The following NCOR1 variants were observed in gnomAD, a reference collection of about 807,000 sequenced individuals.
NCOR1 encodes protein phosphatase 1, regulatory subunit 109.
NCOR1 carries 63 observed loss-of-function variants against 288.1 expected under a neutral mutation model. The ratio of observed to expected loss-of-function variants is 0.22; its 90% CI spans 0.18 to 0.27. NCOR1 has a LOEUF of 0.27. NCOR1 is among the 10% of genes least tolerant of loss of function. The pLI, the probability that NCOR1 is intolerant of heterozygous loss-of-function variation, is 1.00. For missense variants in NCOR1, 2,397 were observed against 3,019.2 expected, an observed-to-expected ratio of 0.79 and a Z score of 4.83; for synonymous variants, 1,007 against 1,065.9, an observed-to-expected ratio of 0.94 and a Z score of 1.08.
chr17:16,073,704 T>A, intron 27 of NCOR1, 135 bp from the exon 28 acceptor site: 1 of 682,706 alleles, frequency 1.5e-6, no homozygotes, highest in Non-Finnish European at 2.1e-6. Flanking sequence ...AAAATATGTG[T>A]AGATGATTCA....
chr17:16,086,055 G>T (rs2064177445), intron 23 of NCOR1, among the ~76,000 whole-genome samples: 1 of 152,166 alleles, frequency 6.6e-6, no homozygotes, highest in Admixed American at 6.5e-5. Context: ...GTAATTAAAT[G>T]GGTGGTATGT....
chr17:16,055,236 G>A (rs941193206), intron 40 of NCOR1, among the ~76,000 whole-genome samples: 3 of 152,204 alleles, frequency 2.0e-5, no homozygotes, highest in African/African-American at 7.2e-5. Context: ...TATGTTCACT[G>A]TAGCACTATT....
chr17:16,108,240 G>A (rs374825028), intron 19 of NCOR1: 2 of 324,138 alleles, frequency 6.2e-6, no homozygotes, highest in Non-Finnish European at 1.2e-5. Flanking sequence ...AATAAATTAG[G>A]TATCTTTTTT....
chr17:16,119,549 A>G, intron 16 of NCOR1, 64 bp from the exon 17 acceptor site: 1 of 1,094,852 alleles, frequency 9.1e-7, no homozygotes, highest in South Asian at 1.5e-5. Context: ...ATTCAAACCA[A>G]TCATATAATT....
chr17:16,131,288 A>T (rs1406261877), intron 14 of NCOR1, among the ~76,000 whole-genome samples: 1 of 152,160 alleles, frequency 6.6e-6, no homozygotes, highest in Non-Finnish European at 1.5e-5. Context: ...AGCCTCCCAA[A>T]GTGCTGGGAT....
At chr17:16,085,409 C>T (rs1245332930) in intron 23 of NCOR1, among the ~76,000 whole-genome samples, 1 of 152,154 alleles carries the variant, frequency 6.6e-6, no homozygotes, top group Non-Finnish European at 1.5e-5. Flanking sequence ...AAACATATGT[C>T]CACAAAGAAC....
At position 16,061,715 on chromosome 17, in the gene NCOR1, C is replaced by T. The variant is rs750906837; in HGVS notation, c.5567G>A (p.Arg1856Lys). The T allele has an allele frequency of 6.2e-7, 1 of 1,614,222 alleles. No homozygotes were observed. ...AARLEENLRS[R>K]SAAVSEQQQL... ...CTGCTGTTCACTAACTGCTGCTGACCTGCTTCTCAAATTTTCTTCTAACCT... is the reference window on the plus strand; with the variant it reads ...CTGCTGTTCACTAACTGCTGCTGACTTGCTTCTCAAATTTTCTTCTAACCT... Residue 1856 changes from arginine (R) to lysine (K), a missense_variant, in exon 37 of 46, where the codon AGG (arginine) becomes AAG (lysine). Arg to Lys is a conservative substitution (Grantham distance 26). Coordinates refer to ENST00000268712, the MANE Select transcript of NCOR1 (RefSeq NM_006311.4).
In NCOR1 at chr17:16,086,274, C is replaced by T. The variant is rs191410170; in HGVS notation, c.3177+8G>A. On this transcript the variant is annotated splice_region_variant and intron_variant, in intron 23 of 45. Coordinates refer to ENST00000268712, the MANE Select transcript of NCOR1 (RefSeq NM_006311.4). ...CAAGAAATCTACTGTAAAGAGAAGT[C>T]GTTTCACCTGTGAGATGGAGCCTCC... is the stretch of plus-strand genomic sequence containing the variant. 49 of 1,612,546 alleles carry T rather than the reference C, an allele frequency of 3.0e-5. No homozygotes were observed. Among genetic ancestry groups the T allele is most frequent in the East Asian group, 2.9e-4 (13 of 44,874 alleles).
At chr17:16,054,883 G>A (rs1279590220) in intron 40 of NCOR1, among the ~76,000 whole-genome samples, 1 of 152,172 alleles carries the variant, frequency 6.6e-6, no homozygotes, top group East Asian at 1.9e-4. Context: ...AGTGAGCTAA[G>A]ATCACACCAT....
intron 1 of NCOR1, among the ~76,000 whole-genome samples, chr17:16,214,525 T>TTACC (rs1188643251): frequency 1.3e-5 from 2 of 152,336 alleles, no homozygotes; most frequent in East Asian, 3.9e-4. Flanking sequence ...AAGATTAGAA[T>TTACC]TACCTATACT....
rs771889820 is a variant in NCOR1, at chr17:16,098,489, G to A, written c.2698C>T (p.Pro900Ser). 6.2e-6 allele frequency: 10 copies of A among 1,601,542 alleles called. No individual in the cohort carries two copies. The highest frequency in any genetic ancestry group is 1.7e-6 in the Non-Finnish European group (2 of 1,175,016). Residue 900 changes from proline to serine, a missense_variant, in exon 21 of 46, where the codon CCT (proline) becomes TCT (serine). Pro to Ser is a moderately conservative substitution (Grantham distance 74). Transcript: ENST00000268712. Reference protein sequence around the residue: ...DGEPERQRMFPMDSKPSLLNP... With the variant: ...DGEPERQRMFSMDSKPSLLNP... ...AACAGTGAAGGCTTTGAGTCCATAGGAAACATTCTGCAATTGCAATTTAAA... is the reference window on the plus strand; with the variant it reads ...AACAGTGAAGGCTTTGAGTCCATAGAAAACATTCTGCAATTGCAATTTAAA...
intron 4 of NCOR1, 116 bp downstream of exon 4, chr17:16,171,687 A>G: frequency 1.1e-6 from 1 of 939,108 alleles, no homozygotes; most frequent in Non-Finnish European, 1.4e-6. Context: ...ACTTTCCCAT[A>G]CCACTAACCT....
At chr17:16,198,914 C>T (rs1447118262) in intron 1 of NCOR1, among the ~76,000 whole-genome samples, 1 of 151,864 alleles carries the variant, frequency 6.6e-6, no homozygotes, top group Non-Finnish European at 1.5e-5. Flanking sequence ...AAGATTTTAA[C>T]CCAGGGTCAT....
At chr17:16,106,595 T>C (rs572571608) in intron 19 of NCOR1, among the ~76,000 whole-genome samples, 2 of 152,196 alleles carry the variant, frequency 1.3e-5, no homozygotes, top group South Asian at 4.2e-4. Flanking sequence ...CTTCAGCAGC[T>C]GCCTTCGTTC....
At chr17:16,174,724 T>C (rs1217493602) in intron 3 of NCOR1, among the ~76,000 whole-genome samples, 2 of 152,174 alleles carry the variant, frequency 1.3e-5, no homozygotes, top group Non-Finnish European at 2.9e-5. Flanking sequence ...TACAATTTAA[T>C]ATTAGGAGTT....
Position 16,039,417 on chromosome 17 carries a change from A to G in NCOR1, c.6955+16T>C, listed in dbSNP as rs2057131332. On this transcript the variant is annotated intron_variant, in intron 44 of 45. Coordinates refer to ENST00000268712, the MANE Select transcript of NCOR1 (RefSeq NM_006311.4). The stretch of plus-strand genomic sequence containing the variant: ...TGGGGAAAAGCAGCAGAAAAGCACT[A>G]AAATGAAAGCTGTACCTGAATGAGG... The G allele has an allele frequency of 6.2e-7, 1 of 1,607,850 alleles. No homozygotes were observed. Among genetic ancestry groups the G allele is most frequent in the African/African-American group, 1.3e-5 (1 of 74,900 alleles).
chr17:16,172,229 G>A lies in NCOR1; in HGVS notation c.243-234C>T, dbSNP rs150505152. ...GAATTAGCTGGGCGTGGCAGTGGGC[G>A]CCTGTAATCCCAGCTACTCGGGAGG... On this transcript the variant is annotated intron_variant, in intron 3 of 45. Coordinates refer to ENST00000268712, the MANE Select transcript of NCOR1 (RefSeq NM_006311.4). Among the ~76,000 whole-genome samples the A allele has an allele frequency of 7.2e-4, 110 of 152,208 alleles. 1 individual carries two copies. The East Asian group carries it at 0.011, about 16-fold the overall frequency.
intron 1 of NCOR1, among the ~76,000 whole-genome samples, chr17:16,202,161 C>G (rs1442944806): frequency 6.7e-6 from 1 of 148,532 alleles, no homozygotes; most frequent in Non-Finnish European, 1.5e-5. Flanking sequence ...GAGGCAGAGG[C>G]TGCAGTGAGC....
intron 23 of NCOR1, 131 bp from the exon 24 acceptor site, chr17:16,080,858 A>C: frequency 1.1e-6 from 1 of 892,894 alleles, no homozygotes; most frequent in Non-Finnish European, 1.6e-6. Context: ...ACCCAAAACC[A>C]AGAATAGTTT....
Sources: gnomAD v4.1 joint callset for allele counts (sites outside exome capture counted in the v4.1 genomes callset) on GRCh38, gnomAD v4.1.1 for gene constraint, MANE v1.5 for transcripts, NCBI Gene and HGNC (gene_info 2026-07-23, HGNC 2026-07-21) for gene names.